CRADD: variants seen among roughly 807,000 people sequenced by gnomAD.
The protein encoded by CRADD is CARD and death domain containing adaptor protein.
Under a neutral mutation model 15.5 loss-of-function variants are expected in CRADD, and 9 were observed. The ratio of observed to expected loss-of-function variants is 0.58; its 90% CI spans 0.35 to 1.01. The LOEUF (loss-of-function observed/expected upper bound fraction) is 1.01, where lower values mean the gene tolerates loss of function less well. CRADD is among the 50% of genes least tolerant of loss of function. The pLI is 0.02. For missense variants in CRADD, 227 were observed against 250.3 expected (o/e 0.91, Z 0.63); for synonymous variants, 118 against 107.6 (o/e 1.10, Z -0.60).
At chr12:93,842,133 G>A (rs978603872) in intron 2 of CRADD, among the ~76,000 whole-genome samples, 8 of 151,930 alleles carry the variant, frequency 5.3e-5, no homozygotes, top group African/African-American at 1.5e-4. Flanking sequence ...CTTCTTAGCC[G>A]TTGGTCTTCA....
At chr12:93,879,903 G>T (rs1958483509) in intron 2 of CRADD, among the ~76,000 whole-genome samples, 2 of 152,236 alleles carry the variant, frequency 1.3e-5, no homozygotes, top group East Asian at 3.9e-4. Context: ...TGTTGACCTT[G>T]GGTTGATTTT....
chr12:93,686,303 CCAAAAAAAAAAA>C (rs1031328383), intron 2 of CRADD, among the ~76,000 whole-genome samples: 2 of 71,808 alleles, frequency 2.8e-5, no homozygotes, highest in Non-Finnish European at 5.8e-5. Flanking sequence ...TCCATCCCCC[CCAAAAAAAAAAA>C]AAAAAAAAAA....
intron 2 of CRADD, among the ~76,000 whole-genome samples, chr12:93,728,820 T>C (rs1956413898): frequency 6.6e-6 from 1 of 152,158 alleles, no homozygotes; most frequent in Non-Finnish European, 1.5e-5. Context: ...CCAAATGGGA[T>C]TTATCCTGGA....
intron 2 of CRADD, among the ~76,000 whole-genome samples, chr12:93,752,311 A>G (rs1257394400): frequency 1.3e-5 from 2 of 152,196 alleles, no homozygotes; most frequent in East Asian, 1.9e-4. Context: ...AGGCCATTCT[A>G]TTTAGGCCTG....
intron 2 of CRADD, among the ~76,000 whole-genome samples, chr12:93,690,291 A>G (rs1364060079): frequency 6.6e-6 from 1 of 152,228 alleles, no homozygotes; most frequent in African/African-American, 2.4e-5. Flanking sequence ...AGAGTTGTCT[A>G]CTGTGCCATC....
intron 2 of CRADD, among the ~76,000 whole-genome samples, chr12:93,765,610 C>T (rs1346060646): frequency 6.6e-6 from 1 of 152,126 alleles, no homozygotes; most frequent in Admixed American, 6.5e-5. Context: ...GGTGCGCCCT[C>T]CTAGGATTGA....
chr12:93,857,180 T>G (rs1273914780), intron 2 of CRADD, among the ~76,000 whole-genome samples: 1 of 152,216 alleles, frequency 6.6e-6, no homozygotes, highest in Non-Finnish European at 1.5e-5. Flanking sequence ...TCATAATGTT[T>G]CCATTTCATT....
intron 2 of CRADD, among the ~76,000 whole-genome samples, chr12:93,879,255 A>G (rs542437402): frequency 6.6e-6 from 1 of 152,008 alleles, no homozygotes; most frequent in South Asian, 2.1e-4. Context: ...CTTTTTCTAC[A>G]GCTCTTTTTT....
chr12:93,892,872 A>G (rs1464742631), intron 2 of CRADD, among the ~76,000 whole-genome samples: 2 of 152,166 alleles, frequency 1.3e-5, no homozygotes, highest in Non-Finnish European at 1.5e-5. Flanking sequence ...AAGCCTTTCC[A>G]TGGGCCCATT....
At chr12:93,766,235 C>T (rs1480088808) in intron 2 of CRADD, among the ~76,000 whole-genome samples, 1 of 152,088 alleles carries the variant, frequency 6.6e-6, no homozygotes, top group Admixed American at 6.6e-5. Flanking sequence ...CCAAGCGTTC[C>T]TTAGTGAATC....
intron 2 of CRADD, among the ~76,000 whole-genome samples, chr12:93,873,155 A>AT (rs1482230771): frequency 6.6e-6 from 1 of 151,884 alleles, no homozygotes. Flanking sequence ...TGGGTGTTTA[A>AT]TTTTATGTGT....
chr12:93,764,013 T>C (rs1027268037), intron 2 of CRADD, among the ~76,000 whole-genome samples: 1 of 152,302 alleles, frequency 6.6e-6, no homozygotes, highest in African/African-American at 2.4e-5. Context: ...TCAGGGAATT[T>C]TATTCAGTCT....
At chr12:93,892,815 C>A (rs947003980) in intron 2 of CRADD, among the ~76,000 whole-genome samples, 7 of 152,204 alleles carry the variant, frequency 4.6e-5, no homozygotes, top group African/African-American at 7.2e-5. Context: ...GCCCTGTTGG[C>A]CACTAGGGAA....
chr12:93,711,055 C>CCCTCTTT, intron 2 of CRADD, among the ~76,000 whole-genome samples: 1 of 43,508 alleles, frequency 2.3e-5, no homozygotes, highest in African/African-American at 8.5e-5. Flanking sequence ...CCACCCCCGC[C>CCCTCTTT]TTTTTTTTTT....
rs115725606 is a variant in CRADD, at chr12:93,769,534, G to C, written c.299-80436G>C. ...TTTATATGCCTTAGGAATGGAATTGGCAGGTGATAGGATATGTGTATGTTC... is the reference window on the plus strand; with the variant it reads ...TTTATATGCCTTAGGAATGGAATTGCCAGGTGATAGGATATGTGTATGTTC... On this transcript the variant is annotated intron_variant, in intron 2 of 2. Transcript: ENST00000332896. Among the ~76,000 whole-genome samples the C allele has an allele frequency of 6.2e-3, 950 of 152,296 alleles. 12 individuals carry two copies. Among genetic ancestry groups the C allele is most frequent in the African/African-American group, 0.022 (910 of 41,556 alleles).
chr12:93,801,526 GT>G (rs1321836568), intron 2 of CRADD, among the ~76,000 whole-genome samples: 2 of 151,976 alleles, frequency 1.3e-5, no homozygotes, highest in Admixed American at 6.5e-5. Context: ...AGCCTCCTGA[GT>G]AGCTGGGATT....
At chr12:93,731,608 A>G (rs527493988) in intron 2 of CRADD, among the ~76,000 whole-genome samples, 5 of 152,346 alleles carry the variant, frequency 3.3e-5, no homozygotes, top group African/African-American at 9.6e-5. Flanking sequence ...TCTTTGCCCA[A>G]TCAGTAGATC....
At chr12:93,792,850 T>C (rs1026251236) in intron 2 of CRADD, among the ~76,000 whole-genome samples, 2 of 152,232 alleles carry the variant, frequency 1.3e-5, no homozygotes, top group Non-Finnish European at 2.9e-5. Flanking sequence ...TTAACTGCTA[T>C]ACTGTCTTAA....
At chr12:93,770,053 C>A (rs547828895) in intron 2 of CRADD, among the ~76,000 whole-genome samples, 2 of 149,962 alleles carry the variant, frequency 1.3e-5, no homozygotes, top group East Asian at 3.9e-4. Flanking sequence ...GTTCAAGAAT[C>A]TTCACTTATG....
Sources: gnomAD v4.1 joint callset for allele counts (sites outside exome capture counted in the v4.1 genomes callset) on GRCh38, gnomAD v4.1.1 for gene constraint, MANE v1.5 for transcripts, NCBI Gene and HGNC (gene_info 2026-07-23, HGNC 2026-07-21) for gene names.